GABRR3: variants seen among roughly 807,000 people sequenced by gnomAD.
GABRR3 encodes the protein gamma-aminobutyric acid receptor subunit rho-3.
Under a neutral mutation model 43.2 loss-of-function variants are expected in GABRR3, and 29 were observed. The ratio of observed to expected loss-of-function variants is 0.67; its 90% confidence interval spans 0.50 to 0.92. The LOEUF is 0.92. Ranked by LOEUF, GABRR3 falls within the 40% of genes least tolerant of loss-of-function variation. The pLI is 0.00. For missense variants in GABRR3, 576 were observed against 572.3 expected, an observed-to-expected ratio of 1.01 and a Z score of -0.07; for synonymous variants, 206 against 195.9, an observed-to-expected ratio of 1.05 and a Z score of -0.43.
At chr3:98,016,637 T>C (rs1455083504) in intron 4 of GABRR3, among the ~76,000 whole-genome samples, 1 of 152,100 alleles carries the variant, frequency 6.6e-6, no homozygotes, top group Non-Finnish European at 1.5e-5. Context: ...TTATTTGGGA[T>C]AGAAAAACAA....
At chr3:97,986,731 G>A (rs1002425865) in exon 10 of GABRR3, 2 of 1,582,546 alleles carry the variant, frequency 1.3e-6, no homozygotes, top group Admixed American at 1.8e-5. Context: ...TATACACAAT[G>A]GGGAATAAAA....
At chr3:98,019,280 G>A (rs1706908421) in intron 3 of GABRR3, among the ~76,000 whole-genome samples, 1 of 152,096 alleles carries the variant, frequency 6.6e-6, no homozygotes, top group African/African-American at 2.4e-5. Flanking sequence ...CCTATAATTC[G>A]ACAGCCCTTT....
chr3:97,990,003 C>T (rs1576034194), intron 9 of GABRR3, among the ~76,000 whole-genome samples: 1 of 152,072 alleles, frequency 6.6e-6, no homozygotes, highest in Admixed American at 6.5e-5. Context: ...TCTATTAGCC[C>T]CCAAACCCAC....
intron 8 of GABRR3, among the ~76,000 whole-genome samples, chr3:97,997,105 G>A (rs1432206839): frequency 6.6e-6 from 1 of 152,134 alleles, no homozygotes; most frequent in Non-Finnish European, 1.5e-5. Context: ...AGCCACTCCT[G>A]TCCCACAGCA....
intron 9 of GABRR3, 132 bp downstream of exon 9, chr3:97,992,720 A>G: frequency 1.4e-6 from 1 of 735,026 alleles, no homozygotes; most frequent in Non-Finnish European, 2.1e-6. Flanking sequence ...TTGTCACCAT[A>G]CTGTCAACTT....
At chr3:97,994,637 A>G (rs1706512868) in intron 8 of GABRR3, among the ~76,000 whole-genome samples, 1 of 152,226 alleles carries the variant, frequency 6.6e-6, no homozygotes, top group Non-Finnish European at 1.5e-5. Context: ...ATTTTTATTA[A>G]CATTACAGGT....
chr3:98,028,518 G>T (rs1576051838), intron 2 of GABRR3, among the ~76,000 whole-genome samples: 1 of 152,064 alleles, frequency 6.6e-6, no homozygotes, highest in East Asian at 1.9e-4. Context: ...AGCATCATCC[G>T]CTATCTCAAC....
At chr3:97,985,706 T>C (rs1464277059), downstream of GABRR3, among the ~76,000 whole-genome samples, 1 of 152,126 alleles carries the variant, frequency 6.6e-6, no homozygotes, top group Non-Finnish European at 1.5e-5. Flanking sequence ...TAAAAAGCTG[T>C]GAAAACAATA....
chr3:97,989,388 G>A (rs1706432763), intron 9 of GABRR3, among the ~76,000 whole-genome samples: 1 of 147,930 alleles, frequency 6.8e-6, no homozygotes, highest in Non-Finnish European at 1.5e-5. Context: ...GTGGTTAGGG[G>A]TAGATAGTGG....
intron 8 of GABRR3, among the ~76,000 whole-genome samples, chr3:97,995,066 C>T (rs1706517779): frequency 6.6e-6 from 1 of 152,074 alleles, no homozygotes; most frequent in Admixed American, 6.5e-5. Context: ...GCAACCTCCG[C>T]CTCCTGGGTT....
intron 8 of GABRR3, chr3:97,997,374 A>C (rs1328724570): frequency 6.6e-6 from 1 of 152,224 alleles, no homozygotes. Flanking sequence ...TAAAAATCAC[A>C]GTCTTGAAAG....
At position 98,020,870 on chromosome 3, in the gene GABRR3, CTTT is replaced by C. The variant is rs59070712; in HGVS notation, c.239-3151_239-3149del. Among the ~76,000 whole-genome samples the C allele has an allele frequency of 1.7e-3, 201 of 117,426 alleles. 1 individual carries two copies. Among genetic ancestry groups the C allele is most frequent in the African/African-American group, 4.8e-3 (142 of 29,728 alleles). The allele number at this position is 117,426 out of a possible 152,430, so 77.0% of individuals were successfully genotyped here. A position where few individuals can be genotyped will look rare whatever the true frequency, so the allele number is the denominator to read the frequency against. ...CTCATTTCTTTTTCTTTTTCTTTTT[CTTT>C]TTTTTTTTTTTTTTGAGATGGAGTC... On this transcript the variant is annotated intron_variant, in intron 3 of 9. Transcript: ENST00000621172.
chr3:98,020,511 T>C (rs1436600512), intron 3 of GABRR3, among the ~76,000 whole-genome samples: 1 of 151,504 alleles, frequency 6.6e-6, no homozygotes, highest in Non-Finnish European at 1.5e-5. Flanking sequence ...TCATCATTTA[T>C]TTATTTTTTT....
At chr3:98,005,516 A>C (rs1165442456) in intron 7 of GABRR3, among the ~76,000 whole-genome samples, 2 of 152,208 alleles carry the variant, frequency 1.3e-5, no homozygotes, top group Admixed American at 6.5e-5. Flanking sequence ...GTTCATTTTA[A>C]AATGCAAGCA....
At chr3:98,034,507 C>A (rs1019901122) in intron 2 of GABRR3, among the ~76,000 whole-genome samples, 3 of 152,098 alleles carry the variant, frequency 2.0e-5, no homozygotes, top group Non-Finnish European at 4.4e-5. Context: ...AGACTAATTT[C>A]TACTCAAAAT....
chr3:97,994,008 G>C (rs931971996), intron 8 of GABRR3, among the ~76,000 whole-genome samples: 1 of 152,222 alleles, frequency 6.6e-6, no homozygotes. Flanking sequence ...ACCACCTGGA[G>C]AGAAAGTATA....
chr3:98,002,634 A>G (rs1576039889), intron 7 of GABRR3, among the ~76,000 whole-genome samples: 2 of 152,268 alleles, frequency 1.3e-5, no homozygotes, highest in East Asian at 3.9e-4. Flanking sequence ...TTTCACAATA[A>G]CTATGTGCTA....
At chr3:97,990,873 A>G (rs1706458232) in intron 9 of GABRR3, among the ~76,000 whole-genome samples, 1 of 152,194 alleles carries the variant, frequency 6.6e-6, no homozygotes. Context: ...TTGCACCACA[A>G]TGTGAATATA....
intron 8 of GABRR3, 67 bp downstream of exon 8, chr3:98,001,548 C>T: frequency 6.5e-7 from 1 of 1,534,072 alleles, no homozygotes; most frequent in Admixed American, 1.7e-5. Flanking sequence ...CATGTATGAC[C>T]CATTTTATTT....
Sources: gnomAD v4.1 joint callset for allele counts (sites outside exome capture counted in the v4.1 genomes callset) on GRCh38, gnomAD v4.1.1 for gene constraint, MANE v1.5 for transcripts, NCBI Gene and HGNC (gene_info 2026-07-23, HGNC 2026-07-21) for gene names.